PDE6A: variants seen among roughly 807,000 people sequenced by gnomAD.
PDE6A encodes rod cGMP-specific 3',5'-cyclic phosphodiesterase subunit alpha.
A neutral mutation model predicts 106.3 loss-of-function variants in PDE6A; 84 were observed. The observed-to-expected ratio is 0.79, with a 90% CI of 0.66 to 0.95. The LOEUF (loss-of-function observed/expected upper bound fraction) is 0.95. Ranked by LOEUF, PDE6A falls within the 40% of genes least tolerant of loss-of-function variation. The probability of loss-of-function intolerance (pLI) is 0.00; values close to 1 mark genes in which losing one functional copy is unlikely to be tolerated. For missense variants in PDE6A, 1,052 were observed against 1,084.9 expected (o/e 0.97, Z 0.43); for synonymous variants, 394 against 386.6 (o/e 1.02, Z -0.23).
chr5:149,867,676 G>C (rs1393595089), intron 19 of PDE6A, 49 bp downstream of exon 19: 4 of 1,513,162 alleles, frequency 2.6e-6, no homozygotes, highest in Non-Finnish European at 3.7e-6. Flanking sequence ...TCTAGGTCAG[G>C]ATGGAGCACA....
intron 4 of PDE6A, among the ~76,000 whole-genome samples, chr5:149,929,023 A>C (rs772882717): frequency 6.6e-6 from 1 of 152,222 alleles, no homozygotes; most frequent in East Asian, 1.9e-4. Flanking sequence ...AACCCTTGAT[A>C]CATTGCTGGT....
At chr5:149,928,077 T>C (rs186134580) in intron 4 of PDE6A, among the ~76,000 whole-genome samples, 1 of 151,106 alleles carries the variant, frequency 6.6e-6, no homozygotes, top group East Asian at 1.9e-4. Context: ...TTTTTTCTTT[T>C]TTAATAAGTA....
At chr5:149,888,085 C>T (rs904196356) in intron 13 of PDE6A, among the ~76,000 whole-genome samples, 2 of 151,988 alleles carry the variant, frequency 1.3e-5, no homozygotes, top group Admixed American at 6.6e-5. Flanking sequence ...TGCAGTGAGC[C>T]GTGTGTTCTC....
chr5:149,869,651 T>TG (rs1760464269), intron 17 of PDE6A, among the ~76,000 whole-genome samples: 1 of 152,128 alleles, frequency 6.6e-6, no homozygotes, highest in Admixed American at 6.5e-5. Context: ...GGTTGAAGGT[T>TG]AAAGGCCCAA....
At chr5:149,898,655 A>T (rs974136901) in intron 9 of PDE6A, 149 bp from the exon 10 acceptor site, 1 of 733,536 alleles carries the variant, frequency 1.4e-6, no homozygotes, top group Non-Finnish European at 2.3e-6. Flanking sequence ...CGGAGTTCTT[A>T]TAAGGCTAAG....
intron 5 of PDE6A, among the ~76,000 whole-genome samples, chr5:149,917,816 T>C (rs1408077240): frequency 6.6e-6 from 1 of 152,214 alleles, no homozygotes; most frequent in African/African-American, 2.4e-5. Flanking sequence ...ATGTGTTTGC[T>C]ACAGCTGTTC....
chr5:149,907,202 A>C, intron 7 of PDE6A, 110 bp downstream of exon 7: 2 of 860,718 alleles, frequency 2.3e-6, no homozygotes, highest in Non-Finnish European at 4.0e-6. Context: ...TTAGGCTTTT[A>C]GAGATCCACA....
At chr5:149,910,951 C>T (rs1298131322) in intron 6 of PDE6A, among the ~76,000 whole-genome samples, 5 of 125,948 alleles carry the variant, frequency 4.0e-5, no homozygotes, top group Non-Finnish European at 7.8e-5. Context: ...GCGATCATGG[C>T]TCACTGTAGC....
chr5:149,861,856 C>T (rs1427578302), intron 21 of PDE6A, among the ~76,000 whole-genome samples: 1 of 151,996 alleles, frequency 6.6e-6, no homozygotes, highest in Non-Finnish European at 1.5e-5. Flanking sequence ...TACTACTTGC[C>T]CAAAAGACAA....
intron 1 of PDE6A, among the ~76,000 whole-genome samples, chr5:149,943,882 G>A (rs1267141659): frequency 6.6e-6 from 1 of 152,198 alleles, no homozygotes; most frequent in Non-Finnish European, 1.5e-5. Flanking sequence ...AGTACTTACA[G>A]ACAAAGGGCA....
rs745976733 is a variant in PDE6A, at chr5:149,899,422, G to T, written c.1216C>A (p.Arg406Ser). 7 of 1,614,078 alleles carry T rather than the reference G, an allele frequency of 4.3e-6. No homozygotes were observed. Among genetic ancestry groups the T allele is most frequent in the Non-Finnish European group, 5.9e-6 (7 of 1,179,980 alleles). ...TCATCAAAGGGCTTCCCATCTTTAC[G>T]ATTGTAAAATGTGGCCACTCCAACA... ...EIVGVATFYN[R>S]KDGKPFDEMD... is the part of the protein sequence containing the mutation. Residue 406 changes from arginine (R) to serine (S), a missense_variant, in exon 9 of 22, where the codon CGT becomes AGT. Physicochemically the swap from Arg to Ser is moderately radical, Grantham distance 110. Transcript: ENST00000255266.
intron 1 of PDE6A, among the ~76,000 whole-genome samples, chr5:149,936,370 C>T (rs764191141): frequency 6.6e-6 from 1 of 152,122 alleles, no homozygotes; most frequent in Non-Finnish European, 1.5e-5. Context: ...GAGGATTAAG[C>T]AAAATCTCTA....
At chr5:149,877,607 C>G (rs245084) in intron 17 of PDE6A, among the ~76,000 whole-genome samples, 96,482 of 152,022 alleles carry the variant, frequency 0.63, 33,132 homozygotes, top group African/African-American at 0.9. Context: ...ATGGAGACTC[C>G]CCATGTCGGC....
intron 17 of PDE6A, among the ~76,000 whole-genome samples, chr5:149,875,736 G>A (rs1050280163): frequency 2.6e-5 from 4 of 152,032 alleles, no homozygotes; most frequent in East Asian, 1.9e-4. Context: ...CCATCCTCTC[G>A]CCTCAGCTTT....
At chr5:149,911,732 C>G (rs1219367980) in intron 6 of PDE6A, among the ~76,000 whole-genome samples, 1 of 149,398 alleles carries the variant, frequency 6.7e-6, no homozygotes, top group Non-Finnish European at 1.5e-5. Context: ...ATTGCATCAG[C>G]TTATGCCTAT....
chr5:149,896,628 T>C lies in PDE6A; in HGVS notation c.1473+83A>G, dbSNP rs1247769281. On this transcript the variant is annotated intron_variant, in intron 11 of 21. Transcript: ENST00000255266. ...CAGAACAGAGTGATGGGGAACATGCTTTGCAAGGAGAAACCCCTGCATGCT... is the reference window on the plus strand; with the variant it reads ...CAGAACAGAGTGATGGGGAACATGCCTTGCAAGGAGAAACCCCTGCATGCT... 6 of 1,613,808 alleles carry C rather than the reference T, an allele frequency of 3.7e-6. No individual in the cohort carries two copies. The East Asian group carries it at 1.3e-4, about 36-fold the overall frequency.
chr5:149,924,866 C>T (rs1032039227), intron 4 of PDE6A, among the ~76,000 whole-genome samples: 2 of 152,134 alleles, frequency 1.3e-5, no homozygotes, highest in African/African-American at 4.8e-5. Flanking sequence ...GCCAAGCTTA[C>T]GGAAGACTCA....
rs1561671507 is a variant in PDE6A, at chr5:149,863,118, C to T, written c.2506+1G>A. 6.8e-6 allele frequency: 11 copies of T among 1,614,102 alleles called. No homozygotes were observed. Among genetic ancestry groups the T allele is most frequent in the African/African-American group, 1.3e-5 (1 of 74,938 alleles). On this transcript the variant is annotated splice_donor_variant, in intron 21 of 21. Coordinates refer to ENST00000255266, the MANE Select transcript of PDE6A (RefSeq NM_000440.3). LOFTEE classifies it high-confidence loss of function. This position sits in a 1 kb window ranked among gnomAD's most constrained non-coding sequence, Gnocchi z 4.7. ...AGTCCCTGCTTCCCCCTTCCACAAA[C>T]CTGACTTGGCCGACTGCTGTTTCTG... is the stretch of plus-strand genomic sequence containing the variant.
intron 1 of PDE6A, among the ~76,000 whole-genome samples, chr5:149,943,615 C>T (rs575167996): frequency 9.8e-5 from 15 of 152,312 alleles, no homozygotes; most frequent in Admixed American, 5.9e-4. Context: ...GCCACTACTC[C>T]CAGCAGATAA....
Sources: allele counts gnomAD v4.1 joint callset (sites outside exome capture counted in the v4.1 genomes callset), GRCh38; gene constraint gnomAD v4.1.1; non-coding constraint Gnocchi (gnomAD v3.1); transcripts MANE v1.5; gene names NCBI Gene and HGNC (gene_info 2026-07-23, HGNC 2026-07-21).